Variants in PTPRM observed in about 807,000 individuals in gnomAD.
PTPRM encodes the protein protein tyrosine phosphatase receptor type M, also known as receptor-type tyrosine-protein phosphatase mu.
PTPRM carries 47 observed loss-of-function variants against 186.7 expected under a neutral mutation model. That is an observed-to-expected ratio of 0.25 (90% CI 0.20 to 0.32). The LOEUF (loss-of-function observed/expected upper bound fraction) is 0.32. Among genes scored for constraint, PTPRM ranks in the 10% least tolerant of loss-of-function variants. PTPRM has a pLI of 1.00. For synonymous variants in PTPRM, 668 were observed against 674.9 expected (o/e 0.99, Z 0.16); for missense variants, 1,494 against 1,865.0 (o/e 0.80, Z 3.66).
intron 1 of PTPRM, among the ~76,000 whole-genome samples, chr18:7,716,496 TTAAAC>T (rs1184625440): frequency 1.3e-5 from 2 of 152,118 alleles, no homozygotes; most frequent in African/African-American, 4.8e-5. Flanking sequence ...TGGGATCTAA[TTAAAC>T]TAAAGAGCTT....
At chr18:7,916,696 G>C (rs1411031840) in intron 4 of PTPRM, among the ~76,000 whole-genome samples, 4 of 152,136 alleles carry the variant, frequency 2.6e-5, no homozygotes, top group Admixed American at 1.3e-4. Context: ...ATGAGGTATA[G>C]AGTGATATTT....
chr18:8,016,953 T>C (rs2084907446), intron 7 of PTPRM, among the ~76,000 whole-genome samples: 1 of 152,228 alleles, frequency 6.6e-6, no homozygotes, highest in Admixed American at 6.5e-5. Flanking sequence ...GGTTTCTCTC[T>C]GGTTCCAACA....
intron 17 of PTPRM, among the ~76,000 whole-genome samples, chr18:8,251,024 T>C (rs1364990924): frequency 1.3e-5 from 2 of 152,298 alleles, no homozygotes; most frequent in Middle Eastern, 3.4e-3. Flanking sequence ...ATAATAGGGC[T>C]CTTCTTTCAT....
At chr18:7,842,590 A>G (rs774057908) in intron 2 of PTPRM, among the ~76,000 whole-genome samples, 4 of 152,110 alleles carry the variant, frequency 2.6e-5, no homozygotes, top group African/African-American at 9.7e-5. Flanking sequence ...ATTACCCACC[A>G]TAATATGGGT....
At chr18:7,671,053 A>T (rs933307871) in intron 1 of PTPRM, among the ~76,000 whole-genome samples, 1 of 152,236 alleles carries the variant, frequency 6.6e-6, no homozygotes, top group Non-Finnish European at 1.5e-5. Context: ...TTGTTTAAAG[A>T]TGTTAAAGAT....
intron 19 of PTPRM, among the ~76,000 whole-genome samples, chr18:8,256,912 C>T (rs922969676): frequency 6.6e-6 from 1 of 152,208 alleles, no homozygotes; most frequent in African/African-American, 2.4e-5. Flanking sequence ...TTGGTTGCTG[C>T]ATTGGTGTCT....
chr18:8,077,620 A>C (rs920650519), intron 9 of PTPRM, among the ~76,000 whole-genome samples: 1 of 152,160 alleles, frequency 6.6e-6, no homozygotes, highest in Non-Finnish European at 1.5e-5. Context: ...AACAAATCAA[A>C]CAAGTTCATA....
chr18:7,711,122 C>A (rs2040203242), intron 1 of PTPRM, among the ~76,000 whole-genome samples: 1 of 152,082 alleles, frequency 6.6e-6, no homozygotes, highest in South Asian at 2.1e-4. Context: ...GCATTTCCAA[C>A]TGAGGTACCC....
intron 2 of PTPRM, among the ~76,000 whole-genome samples, chr18:7,797,824 A>G (rs1005011450): frequency 3.9e-5 from 6 of 152,180 alleles, no homozygotes; most frequent in African/African-American, 1.4e-4. Flanking sequence ...CACAGTCTTG[A>G]GAGCTGCTAA....
chr18:8,376,856 C>G, intron 26 of PTPRM: 1 of 394,684 alleles, frequency 2.5e-6, no homozygotes, highest in Admixed American at 4.2e-5. Context: ...TTAAGGGACC[C>G]AAAAAAGTCT....
chr18:7,684,952 T>A (rs2144601058), intron 1 of PTPRM, among the ~76,000 whole-genome samples: 1 of 152,342 alleles, frequency 6.6e-6, no homozygotes, highest in South Asian at 2.1e-4. Context: ...GCAAAACCAA[T>A]TTACATTCCC....
At chr18:7,995,081 A>AG (rs2083463447) in intron 7 of PTPRM, among the ~76,000 whole-genome samples, 2 of 152,086 alleles carry the variant, frequency 1.3e-5, no homozygotes, top group Non-Finnish European at 2.9e-5. Context: ...CTAGACCAAG[A>AG]GAAAAACAGA....
intron 20 of PTPRM, among the ~76,000 whole-genome samples, chr18:8,309,091 T>C (rs2095248606): frequency 6.6e-6 from 1 of 152,248 alleles, no homozygotes; most frequent in African/African-American, 2.4e-5. Flanking sequence ...ATGTCTCCCT[T>C]CTGTTGATGG....
At chr18:7,670,128 GTTA>G (rs2039186585) in intron 1 of PTPRM, among the ~76,000 whole-genome samples, 1 of 152,008 alleles carries the variant, frequency 6.6e-6, no homozygotes, top group South Asian at 2.1e-4. Context: ...TAATATGTTT[GTTA>G]TTATTTTAAT....
intron 7 of PTPRM, among the ~76,000 whole-genome samples, chr18:7,966,814 G>A (rs930476295): frequency 3.0e-5 from 4 of 131,642 alleles, no homozygotes; most frequent in Non-Finnish European, 7.2e-5. Flanking sequence ...TACGCCCACG[G>A]AGTCTCGCTG....
At chr18:8,283,189 G>A (rs1394620379) in intron 19 of PTPRM, among the ~76,000 whole-genome samples, 3 of 152,160 alleles carry the variant, frequency 2.0e-5, no homozygotes, top group Non-Finnish European at 4.4e-5. Context: ...CACACACACT[G>A]TACCAGCTTC....
intron 1 of PTPRM, among the ~76,000 whole-genome samples, chr18:7,580,937 A>G (rs2036828690): frequency 6.6e-6 from 1 of 152,204 alleles, no homozygotes; most frequent in Admixed American, 6.5e-5. Flanking sequence ...ATGTCATATA[A>G]AATCCGTATG....
At chr18:8,106,581 T>C (rs2091531096) in intron 11 of PTPRM, among the ~76,000 whole-genome samples, 2 of 152,250 alleles carry the variant, frequency 1.3e-5, no homozygotes, top group South Asian at 4.1e-4. Flanking sequence ...CTGACACTCT[T>C]AGCCTGTGCT....
intron 19 of PTPRM, among the ~76,000 whole-genome samples, chr18:8,286,264 G>C (rs9949304): frequency 6.6e-6 from 1 of 152,098 alleles, no homozygotes; most frequent in Non-Finnish European, 1.5e-5. Flanking sequence ...AATGAGTAAC[G>C]TTTCAAGGGA....
Sources: allele counts gnomAD v4.1 joint callset (sites outside exome capture counted in the v4.1 genomes callset), GRCh38; gene constraint gnomAD v4.1.1; transcripts MANE v1.5; gene names NCBI Gene and HGNC (gene_info 2026-07-23, HGNC 2026-07-21).